Variants in RIT2 observed in about 807,000 individuals in gnomAD.
The protein encoded by RIT2 is GTP-binding protein Rit2.
Under a neutral mutation model 23.7 loss-of-function variants are expected in RIT2, and 24 were observed. That is an observed-to-expected ratio of 1.01 (90% CI 0.73 to 1.43). The LOEUF (loss-of-function observed/expected upper bound fraction) is 1.43, where lower values mean the gene tolerates loss of function less well. RIT2 is among the 40% of genes most tolerant of loss of function. The pLI, the probability that RIT2 is intolerant of heterozygous loss-of-function variation, is 0.00. For synonymous variants in RIT2, 107 were observed against 91.1 expected, an observed-to-expected ratio of 1.17 and a Z score of -0.99; for missense variants, 236 against 266.9, an observed-to-expected ratio of 0.88 and a Z score of 0.81.
At chr18:42,972,979 G>T (rs1218156502) in intron 3 of RIT2, among the ~76,000 whole-genome samples, 1 of 151,624 alleles carries the variant, frequency 6.6e-6, no homozygotes, top group Non-Finnish European at 1.5e-5. Context: ...CTCTTGATTT[G>T]CCTTAAATAT....
At chr18:42,840,723 A>G (rs1906743247) in intron 4 of RIT2, among the ~76,000 whole-genome samples, 1 of 152,178 alleles carries the variant, frequency 6.6e-6, no homozygotes, top group Non-Finnish European at 1.5e-5. Flanking sequence ...CTGGTCTCGA[A>G]CTTTCAACCT....
chr18:43,082,855 C>T (rs1429263222), intron 1 of RIT2, among the ~76,000 whole-genome samples: 1 of 152,148 alleles, frequency 6.6e-6, no homozygotes, highest in African/African-American at 2.4e-5. Flanking sequence ...CACTCCTATT[C>T]AACATAGTAT....
intron 4 of RIT2, among the ~76,000 whole-genome samples, chr18:42,805,296 T>G (rs1905651846): frequency 6.6e-6 from 1 of 152,210 alleles, no homozygotes; most frequent in Non-Finnish European, 1.5e-5. Context: ...CATTAATATC[T>G]GGCCAAATAT....
At chr18:43,043,011 T>G (rs1407784161) in intron 1 of RIT2, among the ~76,000 whole-genome samples, 5 of 152,218 alleles carry the variant, frequency 3.3e-5, no homozygotes, top group South Asian at 4.1e-4. Flanking sequence ...AAAAAGATAA[T>G]AATGAGTATT....
At chr18:42,753,962 G>A (rs1158470849) in intron 4 of RIT2, among the ~76,000 whole-genome samples, 1 of 152,188 alleles carries the variant, frequency 6.6e-6, no homozygotes, top group Non-Finnish European at 1.5e-5. Context: ...GCACTGGCAA[G>A]ATGTCCCACC....
At chr18:42,800,852 A>G (rs1388681407) in intron 4 of RIT2, among the ~76,000 whole-genome samples, 2 of 151,584 alleles carry the variant, frequency 1.3e-5, no homozygotes, top group Non-Finnish European at 2.9e-5. Context: ...TTCTCCTCCA[A>G]ACTCTCTTAT....
At chr18:43,108,948 A>G (rs1913891728) in intron 1 of RIT2, among the ~76,000 whole-genome samples, 3 of 152,218 alleles carry the variant, frequency 2.0e-5, no homozygotes, top group African/African-American at 7.2e-5. Flanking sequence ...CGATGTGACA[A>G]TTGTTGAGCT....
chr18:42,821,372 A>C, intron 4 of RIT2, among the ~76,000 whole-genome samples: 1 of 152,098 alleles, frequency 6.6e-6, no homozygotes, highest in East Asian at 1.9e-4. Flanking sequence ...GATTCACATG[A>C]CTATAAGTAG....
chr18:42,884,923 C>A (rs990427455), intron 4 of RIT2, among the ~76,000 whole-genome samples: 4 of 152,188 alleles, frequency 2.6e-5, no homozygotes, highest in African/African-American at 9.7e-5. Context: ...TCCACCCCAT[C>A]ATTCTTGCTC....
intron 1 of RIT2, among the ~76,000 whole-genome samples, chr18:43,048,739 T>C (rs1598761295): frequency 6.6e-6 from 1 of 152,214 alleles, no homozygotes; most frequent in Non-Finnish European, 1.5e-5. Flanking sequence ...AGCTAAAATA[T>C]GATGTTTTTT....
chr18:43,000,575 C>T (rs1363426280), intron 2 of RIT2, among the ~76,000 whole-genome samples: 1 of 151,982 alleles, frequency 6.6e-6, no homozygotes, highest in Non-Finnish European at 1.5e-5. Context: ...GCCCAAATCT[C>T]ATCTCAAATT....
At chr18:42,899,716 T>C (rs912531395) in intron 4 of RIT2, among the ~76,000 whole-genome samples, 20 of 152,196 alleles carry the variant, frequency 1.3e-4, no homozygotes, top group African/African-American at 4.6e-4. Flanking sequence ...ATGTGTAGCC[T>C]GTGATTGGCT....
rs1944406 is a variant in RIT2 at position 42,936,926 on chromosome 18, C to A, written c.235-13163G>T. On this transcript the variant is annotated intron_variant, in intron 3 of 4. Transcript: ENST00000326695. ...ACTCAGGAAACTGAGGCAGGGGAAT[C>A]GCTTGAACCTGGGAGGCAGAGCTTG... Among the ~76,000 whole-genome samples, 32 of 151,662 alleles carry A rather than the reference C, an allele frequency of 2.1e-4. No individual in the cohort carries two copies. In the South Asian group the frequency reaches 3.5e-3, roughly 17 times the overall value.
At chr18:43,030,754 T>C in intron 2 of RIT2, among the ~76,000 whole-genome samples, 1 of 152,156 alleles carries the variant, frequency 6.6e-6, no homozygotes, top group East Asian at 1.9e-4. Context: ...TGTAGAAGTT[T>C]AAATAGGTAT....
chr18:43,038,998 A>G (rs1912060017), intron 1 of RIT2, among the ~76,000 whole-genome samples: 1 of 151,936 alleles, frequency 6.6e-6, no homozygotes, highest in Non-Finnish European at 1.5e-5. Flanking sequence ...CAGAATCTTT[A>G]GTTTTCTTCA....
chr18:42,912,200 T>C (rs1381458468), intron 4 of RIT2, among the ~76,000 whole-genome samples: 1 of 151,346 alleles, frequency 6.6e-6, no homozygotes, highest in Admixed American at 6.6e-5. Flanking sequence ...TATCATTTAC[T>C]ACAGAAAAAG....
intron 2 of RIT2, among the ~76,000 whole-genome samples, chr18:43,025,243 A>G (rs192989215): frequency 6.6e-6 from 1 of 151,902 alleles, no homozygotes; most frequent in Non-Finnish European, 1.5e-5. Context: ...AAAACAAAAA[A>G]AAAAACAGGC....
intron 1 of RIT2, among the ~76,000 whole-genome samples, chr18:43,108,038 G>T (rs1475440309): frequency 6.6e-6 from 1 of 151,188 alleles, no homozygotes. Flanking sequence ...ACCGGGCATG[G>T]TGGCGGGTGA....
At chr18:42,978,153 T>C (rs549608987) in intron 2 of RIT2, among the ~76,000 whole-genome samples, 264 of 152,014 alleles carry the variant, frequency 1.7e-3, no homozygotes, top group African/African-American at 5.8e-3. Context: ...GTAATCTAGG[T>C]GAGAACTCCT....
Sources: allele counts gnomAD v4.1 joint callset (sites outside exome capture counted in the v4.1 genomes callset), GRCh38; gene constraint gnomAD v4.1.1; transcripts MANE v1.5; gene names NCBI Gene and HGNC (gene_info 2026-07-23, HGNC 2026-07-21).